Variants in NME9 observed in about 807,000 individuals in gnomAD.
NME9 encodes the protein NME/NM23 family member 9.
In NME9, 48 loss-of-function variants were observed where a neutral mutation model predicts 44.4. That is an observed-to-expected ratio of 1.08 (90% CI 0.86 to 1.37). The LOEUF (loss-of-function observed/expected upper bound fraction) is 1.37. Ranked by LOEUF, NME9 falls within the 40% of genes most tolerant of loss-of-function variation. The probability of loss-of-function intolerance (pLI) is 0.00; values close to 1 mark genes in which losing one functional copy is unlikely to be tolerated. For missense variants in NME9, 325 were observed against 405.2 expected (o/e 0.80, Z 1.70); for synonymous variants, 139 against 147.1 (o/e 0.94, Z 0.40).
chr3:138,320,110 C>T (rs1336042399), intron 2 of NME9, among the ~76,000 whole-genome samples: 2 of 152,018 alleles, frequency 1.3e-5, no homozygotes, highest in African/African-American at 4.8e-5. Context: ...GAAAGTGAGC[C>T]TGATAGAGAG....
intron 8 of NME9, among the ~76,000 whole-genome samples, chr3:138,280,092 T>C (rs1353517969): frequency 2.1e-4 from 32 of 151,930 alleles, no homozygotes; most frequent in Non-Finnish European, 2.6e-4. Context: ...TTAGTAGATA[T>C]GGGGTTTCAC....
At chr3:138,295,969 CTTCT>C (rs2051449841) in intron 8 of NME9, 15 of 1,508,706 alleles carry the variant, frequency 9.9e-6, no homozygotes, top group Non-Finnish European at 1.3e-5. Flanking sequence ...CATTTGATTC[CTTCT>C]ATTTGCACAA....
intron 6 of NME9, 67 bp from the exon 7 acceptor site, chr3:138,306,547 C>A: frequency 9.6e-6 from 9 of 939,800 alleles, no homozygotes; most frequent in East Asian, 4.8e-5. Context: ...CCACAAAAAA[C>A]AATGCAACCT....
intron 2 of NME9, among the ~76,000 whole-genome samples, chr3:138,321,564 A>C (rs184159733): frequency 1.3e-3 from 195 of 152,330 alleles, no homozygotes; most frequent in Non-Finnish European, 2.1e-3. Context: ...GCAGAATCAA[A>C]TTTTAAATCC....
intron 8 of NME9, among the ~76,000 whole-genome samples, chr3:138,275,237 G>A (rs962472290): frequency 6.6e-6 from 1 of 152,144 alleles, no homozygotes; most frequent in South Asian, 2.1e-4. Flanking sequence ...CATAGGTTTT[G>A]GCTACATGGT....
intron 8 of NME9, among the ~76,000 whole-genome samples, 190 bp downstream of exon 8, chr3:138,305,814 T>C (rs1577127676): frequency 6.6e-6 from 1 of 152,240 alleles, no homozygotes; most frequent in East Asian, 1.9e-4. Context: ...AGAAAACCTT[T>C]TCTTTGCAAC....
At chr3:138,277,889 A>G (rs192162147) in intron 8 of NME9, among the ~76,000 whole-genome samples, 17 of 152,314 alleles carry the variant, frequency 1.1e-4, no homozygotes, top group Non-Finnish European at 2.1e-4. Context: ...ACTATGGTGC[A>G]TTCATATAAT....
At chr3:138,303,424 A>C in intron 10 of NME9, 83 bp downstream of exon 10, 1 of 1,105,126 alleles carries the variant, frequency 9.0e-7, no homozygotes, top group South Asian at 1.3e-5. Flanking sequence ...AAAAATTATC[A>C]ATCCCCCACA....
chr3:138,289,820 G>A (rs1035753445), intron 8 of NME9, among the ~76,000 whole-genome samples: 1 of 152,074 alleles, frequency 6.6e-6, no homozygotes, highest in Non-Finnish European at 1.5e-5. Flanking sequence ...GCAGATTTCT[G>A]GGCCCCATCC....
intron 8 of NME9, chr3:138,284,479 C>T (rs1362395913): frequency 1.2e-6 from 2 of 1,613,806 alleles, no homozygotes. Flanking sequence ...AGCAAAAGAT[C>T]TTATTATGAC....
At chr3:138,289,034 T>C in intron 8 of NME9, 1 of 1,606,686 alleles carries the variant, frequency 6.2e-7, no homozygotes, top group South Asian at 1.1e-5. Flanking sequence ...TTTTTTCTTT[T>C]TCTGTATTAA....
At chr3:138,270,030 C>A in intron 8 of NME9, 3 of 1,597,184 alleles carry the variant, frequency 1.9e-6, no homozygotes, top group Non-Finnish European at 8.6e-7. Flanking sequence ...TTTTCCCTGT[C>A]CAATGGCAGC....
intron 8 of NME9, among the ~76,000 whole-genome samples, chr3:138,266,943 C>G (rs902846546): frequency 2.6e-5 from 4 of 152,144 alleles, no homozygotes; most frequent in African/African-American, 9.7e-5. Context: ...TGCAGCTTCT[C>G]CAAGCAAGAC....
At chr3:138,293,220 C>T (rs1343313202) in intron 8 of NME9, among the ~76,000 whole-genome samples, 1 of 152,172 alleles carries the variant, frequency 6.6e-6, no homozygotes, top group Non-Finnish European at 1.5e-5. Flanking sequence ...CCTCTGCTTC[C>T]CCGAAGCTTA....
rs2053218733 is a variant in NME9 at position 138,318,180 on chromosome 3, C to G, written c.235G>C (p.Gly79Arg). The change falls in exon 4 of 11, where the codon GGG becomes CGG. Residue 79 changes from glycine (G) to arginine (R), a missense_variant. Physicochemically the swap from Gly to Arg is moderately radical, Grantham distance 125. Transcript: ENST00000333911. ...DRLDVLEKYR[G>R]KCEPTFLFYA... ...AACAGAAAGGTTGGCTCGCACTTCC[C>G]TCTGTACTTTTCGAGGACATCAAGA... The G allele has an allele frequency of 1.2e-6, 2 of 1,612,714 alleles. No homozygotes were observed. Among genetic ancestry groups the G allele is most frequent in the Non-Finnish European group, 1.7e-6 (2 of 1,178,732 alleles).
chr3:138,296,620 A>G (rs1266438583), downstream of NME9: 1 of 152,240 alleles, frequency 6.6e-6, no homozygotes, highest in East Asian at 1.9e-4. Context: ...TGTGCAAAAT[A>G]GTAAGCTAGC....
Position 138,304,857 on chromosome 3 carries a change from C to T in NME9, c.791+16G>A, listed in dbSNP as rs373101153. 3 of 1,611,878 alleles carry T rather than the reference C, an allele frequency of 1.9e-6. No individual in the cohort carries two copies. The highest frequency in any genetic ancestry group is 2.7e-5 in the African/African-American group (2 of 74,910). On this transcript the variant is annotated intron_variant, in intron 9 of 10. Coordinates refer to ENST00000333911, the MANE Select transcript of NME9 (RefSeq NM_001349018.2). ...GGTTTTAAGATGGATGAAAGGACCA[C>T]AGCTGGTGACATCACCTTTCTGGCT...
chr3:138,278,989 A>AT (rs1377679701), intron 8 of NME9, among the ~76,000 whole-genome samples: 3 of 152,098 alleles, frequency 2.0e-5, no homozygotes, highest in East Asian at 3.9e-4. Context: ...AAATAGCTTT[A>AT]TTTCTTACTT....
intron 8 of NME9, among the ~76,000 whole-genome samples, chr3:138,291,942 A>T (rs1181532873): frequency 6.6e-6 from 1 of 152,224 alleles, no homozygotes; most frequent in Admixed American, 6.5e-5. Flanking sequence ...TTTGGCTTTT[A>T]TTCAGAGTTT....
Sources: gnomAD v4.1 joint callset for allele counts (sites outside exome capture counted in the v4.1 genomes callset) on GRCh38, gnomAD v4.1.1 for gene constraint, MANE v1.5 for transcripts, NCBI Gene and HGNC (gene_info 2026-07-23, HGNC 2026-07-21) for gene names.